GTPBP10: variants seen among roughly 807,000 people sequenced by gnomAD.
GTPBP10 encodes GTP binding protein 10.
In GTPBP10, 38 loss-of-function variants were observed where a neutral mutation model predicts 44.8. The observed-to-expected ratio is 0.85, with a 90% CI of 0.65 to 1.11. GTPBP10 has a LOEUF of 1.11. GTPBP10 is among the 50% of genes most tolerant of loss of function. The pLI is 0.00. For missense variants in GTPBP10, 462 were observed against 453.7 expected (o/e 1.02, Z -0.17); for synonymous variants, 152 against 150.6 (o/e 1.01, Z -0.07).
In GTPBP10 at chr7:90,391,222, T is replaced by C. The variant is rs1393123681; in HGVS notation, c.*6068T>C. On this transcript the variant is annotated 3_prime_UTR_variant, in exon 10 of 10. Coordinates refer to ENST00000222511, the MANE Select transcript of GTPBP10 (RefSeq NM_033107.4). ...CATGATTTCCTCATGTTGCTTAGAATAGTGTGTATTTCAGAACTTTTCCAT... is the reference window on the plus strand; with the variant it reads ...CATGATTTCCTCATGTTGCTTAGAACAGTGTGTATTTCAGAACTTTTCCAT... 1 of 152,136 alleles carries C rather than the reference T, an allele frequency of 6.6e-6. No individual in the cohort carries two copies. Among genetic ancestry groups the C allele is most frequent in the East Asian group, 1.9e-4 (1 of 5,200 alleles). 9.4% of individuals were successfully genotyped at this position (152,136 alleles called of 1,614,324 possible).
intron 5 of GTPBP10, 63 bp from the exon 6 acceptor site, chr7:90,374,239 G>C: frequency 9.1e-7 from 1 of 1,096,782 alleles, no homozygotes; most frequent in Non-Finnish European, 1.4e-6. Flanking sequence ...TACCAAGACA[G>C]TTTTGAGAGT....
chr7:90,371,172 T>A, intron 4 of GTPBP10: 1 of 965,454 alleles, frequency 1.0e-6, no homozygotes, highest in Non-Finnish European at 1.2e-6. Context: ...AAAGAAAAAG[T>A]TGTCTATGAA....
chr7:90,365,376 T>A (rs1445124044), intron 4 of GTPBP10, among the ~76,000 whole-genome samples: 2 of 87,170 alleles, frequency 2.3e-5, no homozygotes, highest in Non-Finnish European at 2.6e-5. Flanking sequence ...TTCTTTTTTT[T>A]TTTTTTTTTT....
chr7:90,377,521 T>TCTTCC lies in GTPBP10; in HGVS notation c.607_611dup (p.Gly205PhefsTer4). The TCTTCC allele has an allele frequency of 6.2e-7, 1 of 1,606,684 alleles. No homozygotes were observed. Among genetic ancestry groups the TCTTCC allele is most frequent in the South Asian group, 1.1e-5 (1 of 89,092 alleles). Reference sequence around the variant, plus strand: ...CTTTGTATTAGATATCAGTAGCTGATCTTCCGGGTTTAATAGAAGGAGCAC... The same window carrying TCTTCC: ...CTTTGTATTAGATATCAGTAGCTGATCTTCCCTTCCGGGTTTAATAGAAGGAGCAC... On this transcript the variant is annotated frameshift_variant, in exon 7 of 10. Transcript: ENST00000222511. LOFTEE classifies it high-confidence loss of function.
At chr7:90,353,058 GA>G in intron 2 of GTPBP10, 49 bp downstream of exon 2, 1 of 1,298,960 alleles carries the variant, frequency 7.7e-7, no homozygotes, top group South Asian at 1.8e-5. Flanking sequence ...AACCCTTCTG[GA>G]AATTTTTTTT....
chr7:90,364,090 T>G (rs988327564), intron 4 of GTPBP10, among the ~76,000 whole-genome samples: 1 of 152,226 alleles, frequency 6.6e-6, no homozygotes, highest in African/African-American at 2.4e-5. Flanking sequence ...ACTTCCTCCT[T>G]TAGCTCGGAG....
In GTPBP10 at chr7:90,383,099, T is replaced by C. The variant is rs561701131; in HGVS notation, c.901+20T>C. On this transcript the variant is annotated intron_variant, in intron 9 of 9. Transcript: ENST00000222511. ...CTAAAGGTAAACCTATTTATTCATT[T>C]AATTCTAATTTAAAGAATAATTACA... is the stretch of plus-strand genomic sequence containing the variant. 2 of 1,494,600 alleles carry C rather than the reference T, an allele frequency of 1.3e-6. No homozygotes were observed. Among genetic ancestry groups the C allele is most frequent in the East Asian group, 4.6e-5 (2 of 43,400 alleles). 92.6% of individuals were successfully genotyped at this position (1,494,600 alleles called of 1,614,324 possible).
intron 7 of GTPBP10, among the ~76,000 whole-genome samples, 171 bp downstream of exon 7, chr7:90,377,785 C>G (rs1177242004): frequency 6.6e-6 from 1 of 152,084 alleles, no homozygotes; most frequent in Non-Finnish European, 1.5e-5. Flanking sequence ...GTAAGTTTGG[C>G]CATACTTGCC....
rs1796598841 is a variant in GTPBP10 at position 90,390,701 on chromosome 7, G to A, written c.*5547G>A. 6.6e-6 allele frequency: 1 copy of A among 152,072 alleles called. No homozygotes were observed. The highest frequency in any genetic ancestry group is 2.1e-4 in the South Asian group (1 of 4,828). The allele number at this position is 152,072 out of a possible 1,614,324, so 9.4% of individuals were successfully genotyped here. ...TGAAAGTTTAAAGCAAAGGACAAAA[G>A]CTTCCTTTGTTCATGGCCCATATTC... On this transcript the variant is annotated 3_prime_UTR_variant, in exon 10 of 10. Coordinates refer to ENST00000222511, the MANE Select transcript of GTPBP10 (RefSeq NM_033107.4).
intron 4 of GTPBP10, among the ~76,000 whole-genome samples, chr7:90,361,031 G>C (rs1294373627): frequency 1.3e-5 from 2 of 152,110 alleles, no homozygotes; most frequent in African/African-American, 2.4e-5. Flanking sequence ...TTGAGATTCT[G>C]GGCTGAGACG....
In GTPBP10 at chr7:90,390,455, A is replaced by G. The variant is rs1796594906; in HGVS notation, c.*5301A>G. 6.6e-6 allele frequency: 1 copy of G among 152,228 alleles called. No homozygotes were observed. Among genetic ancestry groups the G allele is most frequent in the South Asian group, 2.1e-4 (1 of 4,830 alleles). The allele number at this position is 152,228 out of a possible 1,614,324, so 9.4% of individuals were successfully genotyped here. On this transcript the variant is annotated 3_prime_UTR_variant, in exon 10 of 10. Coordinates refer to ENST00000222511, the MANE Select transcript of GTPBP10 (RefSeq NM_033107.4). ...GTTGGGTACCTGGGAGATTTCAGAG[A>G]AAGTAATCACCTTTGTATATATTAT...
At position 90,386,637 on chromosome 7, in the gene GTPBP10, C is replaced by T. The variant is rs1192795103; in HGVS notation, c.*1483C>T. The T allele has an allele frequency of 6.6e-6, 1 of 152,114 alleles. No homozygotes were observed. Among genetic ancestry groups the T allele is most frequent in the Admixed American group, 6.6e-5 (1 of 15,254 alleles). The allele number at this position is 152,114 out of a possible 1,614,324, so 9.4% of individuals were successfully genotyped here. A position where few individuals can be genotyped will look rare whatever the true frequency, so the allele number is the denominator to read the frequency against. On this transcript the variant is annotated 3_prime_UTR_variant, in exon 10 of 10. Coordinates refer to ENST00000222511, the MANE Select transcript of GTPBP10 (RefSeq NM_033107.4). ...GCCAAGGCGGGAGGATTGCTTGAGC[C>T]CAGGAGTTCATGCCTGAGCAACATA...
At chr7:90,355,781 C>T (rs951124208) in intron 4 of GTPBP10, among the ~76,000 whole-genome samples, 1 of 152,166 alleles carries the variant, frequency 6.6e-6, no homozygotes, top group Non-Finnish European at 1.5e-5. Context: ...TATCTAGTCT[C>T]AGCAATGTAG....
intron 1 of GTPBP10, among the ~76,000 whole-genome samples, chr7:90,350,039 T>G (rs1795758770): frequency 6.6e-6 from 1 of 152,170 alleles, no homozygotes; most frequent in South Asian, 2.1e-4. Flanking sequence ...GTCATTTACA[T>G]TGGGTATTTC....
At chr7:90,353,866 G>C (rs1448518987) in intron 2 of GTPBP10, among the ~76,000 whole-genome samples, 1 of 136,746 alleles carries the variant, frequency 7.3e-6, no homozygotes, top group African/African-American at 2.8e-5. Flanking sequence ...TCATTCTGTT[G>C]CCTAGGTTGA....
intron 5 of GTPBP10, among the ~76,000 whole-genome samples, chr7:90,372,947 A>G (rs1438839258): frequency 6.6e-6 from 1 of 152,190 alleles, no homozygotes; most frequent in African/African-American, 2.4e-5. Context: ...AGGGAATATG[A>G]AAGGGTACTA....
In GTPBP10 at chr7:90,352,837, C is replaced by T. The variant is rs747964873; in HGVS notation, c.55C>T (p.Leu19=). The change falls in exon 2 of 10, where the codon CTA becomes TTA. Residue 19 remains leucine (L), a synonymous_variant. Coordinates refer to ENST00000222511, the MANE Select transcript of GTPBP10 (RefSeq NM_033107.4). ...TAAGTATGGAAATTTCATCGATAAG[C>T]TAAGACTCTTCACCAGGGGAGGATC... ...FRKYGNFIDK[L]RLFTRGGSGG... is the part of the protein sequence containing the mutation. The T allele has an allele frequency of 5.8e-5, 94 of 1,610,094 alleles. No homozygotes were observed. The highest frequency in any genetic ancestry group is 6.8e-5 in the Non-Finnish European group (80 of 1,178,616).
chr7:90,355,112 A>G lies in GTPBP10; in HGVS notation c.346A>G (p.Ile116Val). The G allele has an allele frequency of 6.3e-7, 1 of 1,593,044 alleles. No individual in the cohort carries two copies. The highest frequency in any genetic ancestry group is 8.6e-7 in the Non-Finnish European group (1 of 1,164,870). Residue 116 changes from isoleucine to valine, a missense_variant, in exon 4 of 10, where the codon ATT becomes GTT. Physicochemically the swap from Ile to Val is conservative, Grantham distance 29. Transcript: ENST00000222511. ...IGELNKENDRILVAQGGLGGK... is the reference protein window; with the variant it reads ...IGELNKENDRVLVAQGGLGGK... ...AGAACTCAATAAAGAAAATGACAGA[A>G]TTTTGGTAGCTCAAGGAGGTCTTGG...
chr7:90,377,382 G>A, intron 6 of GTPBP10, 125 bp from the exon 7 acceptor site: 1 of 558,920 alleles, frequency 1.8e-6, no homozygotes, highest in Non-Finnish European at 3.2e-6. Context: ...GCTTTTCAAA[G>A]ATGTAGTGGT....
Sources: gnomAD v4.1 joint callset for allele counts (sites outside exome capture counted in the v4.1 genomes callset) on GRCh38, gnomAD v4.1.1 for gene constraint, MANE v1.5 for transcripts, NCBI Gene and HGNC (gene_info 2026-07-23, HGNC 2026-07-21) for gene names.